Variants in DCC observed in about 807,000 individuals in gnomAD.
The protein encoded by DCC is DCC netrin 1 receptor.
DCC carries 58 observed loss-of-function variants against 172.5 expected under a neutral mutation model. The observed-to-expected ratio is 0.34, with a 90% CI of 0.27 to 0.42. DCC has a LOEUF of 0.42. Among genes scored for constraint, DCC ranks in the 10% least tolerant of loss-of-function variants. DCC has a pLI of 1.00. For missense variants in DCC, 1,740 were observed against 1,791.0 expected (o/e 0.97, Z 0.51); for synonymous variants, 709 against 644.5 (o/e 1.10, Z -1.52).
rs528613016 is a variant in DCC, at chr18:53,296,127, G to T, written c.1912-9451G>T. On this transcript the variant is annotated intron_variant, in intron 12 of 28. Coordinates refer to ENST00000442544, the MANE Select transcript of DCC (RefSeq NM_005215.4). ...AGTAGAAACAAATGTTCAATTGTTG[G>T]GTCAGTGCACAAATAAGTAGGTCCA... Among the ~76,000 whole-genome samples, 4 of 151,768 alleles carry T rather than the reference G, an allele frequency of 2.6e-5. No individual in the cohort carries two copies. In the East Asian group the frequency reaches 7.7e-4, roughly 29 times the overall value.
At chr18:53,437,640 TG>T (rs987297053) in intron 22 of DCC, among the ~76,000 whole-genome samples, 16 of 148,684 alleles carry the variant, frequency 1.1e-4, no homozygotes, top group Non-Finnish European at 1.5e-5. Context: ...AGGGACTTGT[TG>T]AGACAGAAAA....
chr18:52,722,713 C>T (rs573237723), intron 1 of DCC, among the ~76,000 whole-genome samples: 1 of 152,162 alleles, frequency 6.6e-6, no homozygotes, highest in Non-Finnish European at 1.5e-5. Flanking sequence ...GACCTGCCCT[C>T]ACCTGGATGG....
intron 5 of DCC, among the ~76,000 whole-genome samples, chr18:53,029,624 T>TTA (rs1555698083): frequency 1.3e-5 from 2 of 151,874 alleles, no homozygotes; most frequent in Non-Finnish European, 2.9e-5. Flanking sequence ...GTCTTTTTTT[T>TTA]ATCTTTGTAT....
intron 27 of DCC, among the ~76,000 whole-genome samples, chr18:53,517,458 A>AATG (rs923748451): frequency 6.7e-6 from 1 of 148,894 alleles, no homozygotes; most frequent in African/African-American, 2.5e-5. Flanking sequence ...TAATAATAAT[A>AATG]ATAATAATAA....
intron 1 of DCC, among the ~76,000 whole-genome samples, chr18:52,568,639 A>T (rs1320537190): frequency 6.6e-6 from 1 of 152,092 alleles, no homozygotes; most frequent in African/African-American, 2.4e-5. Flanking sequence ...AAAGAGTATA[A>T]TTCTGTGAGT....
intron 15 of DCC, among the ~76,000 whole-genome samples, chr18:53,355,413 A>C (rs1247898203): frequency 1.3e-5 from 2 of 152,090 alleles, no homozygotes; most frequent in Non-Finnish European, 2.9e-5. Context: ...TGAGCATGGA[A>C]CGTTCTTCCA....
At chr18:53,068,771 CTGTG>C (rs74683814) in intron 7 of DCC, among the ~76,000 whole-genome samples, 135 of 143,526 alleles carry the variant, frequency 9.4e-4, no homozygotes, top group Non-Finnish European at 1.4e-3. Flanking sequence ...ACCTTTTAGA[CTGTG>C]TGTGTGTGTG....
intron 1 of DCC, among the ~76,000 whole-genome samples, chr18:52,555,875 A>G (rs1270021654): frequency 6.6e-6 from 1 of 152,088 alleles, no homozygotes; most frequent in African/African-American, 2.4e-5. Context: ...CTTCAAATTG[A>G]TGTAATATAA....
At chr18:52,993,388 ACT>A (rs2041426920) in intron 5 of DCC, among the ~76,000 whole-genome samples, 1 of 152,122 alleles carries the variant, frequency 6.6e-6, no homozygotes, top group Non-Finnish European at 1.5e-5. Flanking sequence ...GCACATTATA[ACT>A]CTAGAATATT....
intron 12 of DCC, among the ~76,000 whole-genome samples, chr18:53,219,374 A>G (rs1408660982): frequency 6.6e-6 from 1 of 152,172 alleles, no homozygotes; most frequent in African/African-American, 2.4e-5. Flanking sequence ...AATCAATTTC[A>G]GTATACCAGT....
chr18:52,955,766 T>A (rs917519763), intron 5 of DCC, among the ~76,000 whole-genome samples: 1 of 152,024 alleles, frequency 6.6e-6, no homozygotes, highest in Admixed American at 6.6e-5. Flanking sequence ...TGGTACCACA[T>A]TTTTTGTTTT....
At chr18:52,919,396 C>CT (rs2040086384) in intron 3 of DCC, among the ~76,000 whole-genome samples, 1 of 152,096 alleles carries the variant, frequency 6.6e-6, no homozygotes, top group Admixed American at 6.6e-5. Flanking sequence ...AATTGTGTTC[C>CT]TTTTGGGGGA....
At chr18:52,705,831 T>C (rs1451584323) in intron 1 of DCC, among the ~76,000 whole-genome samples, 2 of 152,222 alleles carry the variant, frequency 1.3e-5, no homozygotes, top group South Asian at 4.1e-4. Flanking sequence ...GAATTTATAA[T>C]TCATTCATTG....
chr18:52,374,939 G>A (rs915961865), intron 1 of DCC, among the ~76,000 whole-genome samples: 2 of 152,100 alleles, frequency 1.3e-5, no homozygotes, highest in African/African-American at 2.4e-5. Flanking sequence ...TGATTTCCCA[G>A]CCATTGACCT....
intron 2 of DCC, among the ~76,000 whole-genome samples, chr18:52,845,216 A>G (rs1022843814): frequency 4.6e-5 from 7 of 152,220 alleles, no homozygotes; most frequent in Admixed American, 3.9e-4. Flanking sequence ...TGTTACCAGG[A>G]AAAGGCAATA....
intron 12 of DCC, among the ~76,000 whole-genome samples, chr18:53,303,801 G>A (rs980872444): frequency 6.6e-6 from 1 of 152,144 alleles, no homozygotes; most frequent in African/African-American, 2.4e-5. Flanking sequence ...CAGCTTAAGT[G>A]TTAACCAGCT....
At chr18:52,996,957 G>C (rs536155774) in intron 5 of DCC, among the ~76,000 whole-genome samples, 38 of 151,880 alleles carry the variant, frequency 2.5e-4, no homozygotes, top group Non-Finnish European at 4.7e-4. Flanking sequence ...GTATTAACTG[G>C]TCCGTCAATT....
Position 52,989,409 on chromosome 18 carries a change from G to A in DCC, c.985+64039G>A, listed in dbSNP as rs986925311. Reference sequence around the variant, plus strand: ...ATGGTAGCAGGTGCCTTTAATCCTAGCTACTCAGGAGATGGAGGCAGGAGA... The same window carrying A: ...ATGGTAGCAGGTGCCTTTAATCCTAACTACTCAGGAGATGGAGGCAGGAGA... On this transcript the variant is annotated intron_variant, in intron 5 of 28. Transcript: ENST00000442544. Among the ~76,000 whole-genome samples the A allele has an allele frequency of 7.9e-5, 12 of 151,984 alleles. 1 individual carries two copies. Among genetic ancestry groups the A allele is most frequent in the Admixed American group, 2.0e-4 (3 of 15,262 alleles).
intron 2 of DCC, among the ~76,000 whole-genome samples, chr18:52,825,929 A>AG (rs544358434): frequency 3.9e-5 from 6 of 152,268 alleles, no homozygotes; most frequent in South Asian, 4.2e-4. Context: ...TTTTCTCCTG[A>AG]GGGGGGGAAA....
Sources: gnomAD v4.1 joint callset for allele counts (sites outside exome capture counted in the v4.1 genomes callset) on GRCh38, gnomAD v4.1.1 for gene constraint, MANE v1.5 for transcripts, NCBI Gene and HGNC (gene_info 2026-07-23, HGNC 2026-07-21) for gene names.